CTNNBIP1: variants seen among roughly 807,000 people sequenced by gnomAD.
The protein encoded by CTNNBIP1 is catenin beta interacting protein 1.
In CTNNBIP1, 7 loss-of-function variants were observed where a neutral mutation model predicts 11.8. The observed-to-expected ratio is 0.60, with a 90% CI of 0.34 to 1.12. CTNNBIP1 has a LOEUF of 1.12. Among genes scored for constraint, CTNNBIP1 ranks in the 50% most tolerant of loss-of-function variants. The pLI, the probability that CTNNBIP1 is intolerant of heterozygous loss-of-function variation, is 0.03. For missense variants in CTNNBIP1, 101 were observed against 113.4 expected, an observed-to-expected ratio of 0.89 and a Z score of 0.50; for synonymous variants, 58 against 43.9, an observed-to-expected ratio of 1.32 and a Z score of -1.26.
chr1:9,879,058 G>T (rs149173747), intron 2 of CTNNBIP1, among the ~76,000 whole-genome samples: 1 of 152,072 alleles, frequency 6.6e-6, no homozygotes, highest in Non-Finnish European at 1.5e-5. Flanking sequence ...TTAGCTGGAC[G>T]TGGTGGCGGG....
At chr1:9,893,424 G>C (rs1379473695) in intron 1 of CTNNBIP1, among the ~76,000 whole-genome samples, 1 of 152,156 alleles carries the variant, frequency 6.6e-6, no homozygotes, top group Non-Finnish European at 1.5e-5. Context: ...AAAGGAAGCA[G>C]AAGCTTCTGG....
chr1:9,885,513 G>A (rs545095053), intron 1 of CTNNBIP1, among the ~76,000 whole-genome samples: 10 of 152,100 alleles, frequency 6.6e-5, no homozygotes, highest in Non-Finnish European at 1.0e-4. Flanking sequence ...GTGTGGTGGC[G>A]TGCACTTGCA....
chr1:9,884,535 G>A (rs1390164304), intron 1 of CTNNBIP1, among the ~76,000 whole-genome samples: 2 of 152,180 alleles, frequency 1.3e-5, no homozygotes, highest in Non-Finnish European at 2.9e-5. Flanking sequence ...GACAAGGTGT[G>A]GGAGCCAAGG....
intron 1 of CTNNBIP1, among the ~76,000 whole-genome samples, chr1:9,906,968 G>C (rs1442154192): frequency 6.6e-6 from 1 of 152,104 alleles, no homozygotes; most frequent in South Asian, 2.1e-4. Flanking sequence ...GATGAAATGG[G>C]GTAGAAACTA....
Position 9,867,533 on chromosome 1 carries a change from G to A in CTNNBIP1, c.187+3654C>T, listed in dbSNP as rs1461635557. 1.3e-5 allele frequency among the ~76,000 whole-genome samples: 2 copies of A among 152,304 alleles called. No individual in the cohort carries two copies. Among genetic ancestry groups the A allele is most frequent in the Admixed American group, 6.5e-5 (1 of 15,306 alleles). On this transcript the variant is annotated intron_variant, in intron 5 of 5. Transcript: ENST00000377263. The surrounding 1 kb of genome is among the most constrained non-coding windows in gnomAD (Gnocchi z 4.6). Reference sequence around the variant, plus strand: ...CGGCCAGACCCTCAGGACCAAGGTCGGGTGCTGTCCGTTGGAGGGTCTGCC... The same window carrying A: ...CGGCCAGACCCTCAGGACCAAGGTCAGGTGCTGTCCGTTGGAGGGTCTGCC...
chr1:9,904,834 A>C (rs149068496), intron 1 of CTNNBIP1, among the ~76,000 whole-genome samples: 1 of 152,328 alleles, frequency 6.6e-6, no homozygotes, highest in African/African-American at 2.4e-5. Flanking sequence ...GCTGCTAAGC[A>C]CTGGCAACAT....
intron 1 of CTNNBIP1, among the ~76,000 whole-genome samples, chr1:9,887,006 A>C (rs1328546621): frequency 6.6e-6 from 1 of 152,168 alleles, no homozygotes; most frequent in African/African-American, 2.4e-5. Flanking sequence ...CTAGGACAAA[A>C]CAGGCCTCCT....
intron 1 of CTNNBIP1, among the ~76,000 whole-genome samples, chr1:9,904,728 A>G (rs556444015): frequency 6.6e-6 from 1 of 152,324 alleles, no homozygotes; most frequent in East Asian, 1.9e-4. Context: ...AATGGCTGCA[A>G]AACTCCAAGA....
At chr1:9,894,522 C>CT (rs913507081) in intron 1 of CTNNBIP1, among the ~76,000 whole-genome samples, 33 of 145,620 alleles carry the variant, frequency 2.3e-4, no homozygotes, top group South Asian at 4.4e-4. Flanking sequence ...CACTCGACTG[C>CT]TTTTTTTTTT....
rs141996491 is a variant in CTNNBIP1, at chr1:9,875,220, G to C, written c.-25+2685C>G. Among the ~76,000 whole-genome samples, 437 of 152,222 alleles carry C rather than the reference G, an allele frequency of 2.9e-3. 3 individuals carry two copies. Among genetic ancestry groups the C allele is most frequent in the African/African-American group, 9.6e-3 (400 of 41,542 alleles). On this transcript the variant is annotated intron_variant, in intron 3 of 5. Transcript: ENST00000377263. ...TCGTACTATCACAAACCACACTCCAGCCCCGGGTCCCAGGGCAAGATCTAT... is the reference window on the plus strand; with the variant it reads ...TCGTACTATCACAAACCACACTCCACCCCCGGGTCCCAGGGCAAGATCTAT...
chr1:9,902,212 T>C (rs2101545472), intron 1 of CTNNBIP1, among the ~76,000 whole-genome samples: 1 of 152,224 alleles, frequency 6.6e-6, no homozygotes, highest in East Asian at 1.9e-4. Context: ...CCTGCCACCA[T>C]ATGCCTGCTT....
intron 5 of CTNNBIP1, among the ~76,000 whole-genome samples, chr1:9,855,965 G>A (rs759929932): frequency 3.9e-5 from 6 of 152,010 alleles, no homozygotes; most frequent in Admixed American, 1.3e-4. Flanking sequence ...GATCAACATG[G>A]TGAAACCCCA....
chr1:9,880,551 C>T (rs1203208419), intron 2 of CTNNBIP1, among the ~76,000 whole-genome samples: 2 of 152,192 alleles, frequency 1.3e-5, no homozygotes, highest in African/African-American at 4.8e-5. Context: ...GAGGAATTGC[C>T]ACACTGTCTT....
intron 3 of CTNNBIP1, among the ~76,000 whole-genome samples, chr1:9,874,030 C>A (rs1638916530): frequency 6.6e-6 from 1 of 152,210 alleles, no homozygotes; most frequent in African/African-American, 2.4e-5. Context: ...TACCTTAAAC[C>A]TACCTGAGAA....
chr1:9,872,205 C>T lies in CTNNBIP1; in HGVS notation c.-24-117G>A. 1.5e-6 allele frequency: 1 copy of T among 675,204 alleles called. No homozygotes were observed. Among genetic ancestry groups the T allele is most frequent in the Non-Finnish European group, 2.6e-6 (1 of 381,422 alleles). 41.8% of individuals were successfully genotyped at this position (675,204 alleles called of 1,614,324 possible). ...GAGCCGCTTTCCACCCACAGTCTCC[C>T]TTCTGGGAGCATGGGGCAGGTGGCG... On this transcript the variant is annotated intron_variant, in intron 3 of 5. Coordinates refer to ENST00000377263, the MANE Select transcript of CTNNBIP1 (RefSeq NM_020248.3). This position sits in a 1 kb window ranked among gnomAD's most constrained non-coding sequence, Gnocchi z 4.0.
At chr1:9,888,776 C>G (rs1419076654) in intron 1 of CTNNBIP1, among the ~76,000 whole-genome samples, 6 of 152,180 alleles carry the variant, frequency 3.9e-5, no homozygotes, top group Non-Finnish European at 1.5e-5. Flanking sequence ...ACAGTTTGCC[C>G]TATGCACACT....
chr1:9,908,675 T>C (rs946846522), intron 1 of CTNNBIP1, among the ~76,000 whole-genome samples: 3 of 152,244 alleles, frequency 2.0e-5, no homozygotes, highest in Non-Finnish European at 2.9e-5. Context: ...GATTCTTATA[T>C]GTAATCTGGC....
intron 1 of CTNNBIP1, among the ~76,000 whole-genome samples, chr1:9,898,003 C>G (rs1011157195): frequency 2.0e-5 from 3 of 150,100 alleles, no homozygotes; most frequent in Admixed American, 2.0e-4. Flanking sequence ...GCCTGTAGTC[C>G]CAGCTACAGG....
chr1:9,908,913 T>G (rs1424896596), intron 1 of CTNNBIP1, among the ~76,000 whole-genome samples: 1 of 152,198 alleles, frequency 6.6e-6, no homozygotes, highest in African/African-American at 2.4e-5. Context: ...TGATTTGTAT[T>G]TACAAGGGAG....
Sources: gnomAD v4.1 joint callset for allele counts (sites outside exome capture counted in the v4.1 genomes callset) on GRCh38, gnomAD v4.1.1 for gene constraint, Gnocchi (gnomAD v3.1) non-coding constraint, MANE v1.5 for transcripts, NCBI Gene and HGNC (gene_info 2026-07-23, HGNC 2026-07-21) for gene names.